The following NIPAL1 variants were observed in gnomAD, a reference collection of about 807,000 sequenced individuals.
The protein encoded by NIPAL1 is magnesium transporter NIPA3.
A neutral mutation model predicts 37.7 loss-of-function variants in NIPAL1; 35 were observed. That is an observed-to-expected ratio of 0.93 (90% CI 0.71 to 1.23). NIPAL1 has a LOEUF of 1.23. Among genes scored for constraint, NIPAL1 ranks in the 50% most tolerant of loss-of-function variants. The pLI, the probability that NIPAL1 is intolerant of heterozygous loss-of-function variation, is 0.00. For missense variants in NIPAL1, 412 were observed against 473.9 expected (o/e 0.87, Z 1.21); for synonymous variants, 162 against 183.0 (o/e 0.89, Z 0.93).
At chr4:48,024,483 G>A (rs1174648567) in intron 1 of NIPAL1, among the ~76,000 whole-genome samples, 1 of 152,050 alleles carries the variant, frequency 6.6e-6, no homozygotes, top group Non-Finnish European at 1.5e-5. Flanking sequence ...GTTTCACTAT[G>A]TTGCCCAGGC....
chr4:48,028,808 G>GA (rs1560324034), intron 2 of NIPAL1, among the ~76,000 whole-genome samples: 2 of 152,002 alleles, frequency 1.3e-5, no homozygotes, highest in African/African-American at 4.8e-5. Context: ...ACATATATAT[G>GA]AAAAAATCCT....
At position 48,035,051 on chromosome 4, in the gene NIPAL1, T is replaced by G. The variant is rs748395781; in HGVS notation, c.622+10T>G. The G allele has an allele frequency of 4.7e-5, 76 of 1,610,928 alleles. No homozygotes were observed. The highest frequency in any genetic ancestry group is 5.9e-5 in the Non-Finnish European group (70 of 1,177,498). ...AAATTGAGAGACCCAGGTCTGTGAT[T>G]CAACCTAAAGAACCACTCAAATTCT... On this transcript the variant is annotated intron_variant, in intron 5 of 5. Transcript: ENST00000295461.
intron 1 of NIPAL1, among the ~76,000 whole-genome samples, chr4:48,019,970 A>T (rs1457309981): frequency 6.6e-6 from 1 of 152,226 alleles, no homozygotes; most frequent in African/African-American, 2.4e-5. Flanking sequence ...TGTTTTAAAA[A>T]ATATATTCCT....
Position 48,016,798 on chromosome 4 carries a change from G to A in NIPAL1, c.-42G>A, listed in dbSNP as rs553745742. Reference sequence around the variant, plus strand: ...CGGGTGCGTGTGGAGAGGCCCAGGTGAGGAGCAAGCGCCCGCGTTCCGGAA... The same window carrying A: ...CGGGTGCGTGTGGAGAGGCCCAGGTAAGGAGCAAGCGCCCGCGTTCCGGAA... On this transcript the variant is annotated 5_prime_UTR_variant, in exon 1 of 6. Coordinates refer to ENST00000295461, the MANE Select transcript of NIPAL1 (RefSeq NM_207330.3). 3.0e-5 allele frequency: 47 copies of A among 1,543,708 alleles called. No homozygotes were observed. Among genetic ancestry groups the A allele is most frequent in the Non-Finnish European group, 3.9e-5 (45 of 1,149,482 alleles).
chr4:48,026,721 T>TAA (rs367669592), intron 2 of NIPAL1, among the ~76,000 whole-genome samples: 52 of 142,026 alleles, frequency 3.7e-4, no homozygotes, highest in East Asian at 2.2e-3. Flanking sequence ...AAAAATAAAA[T>TAA]TTTTTTTTTT....
chr4:48,027,786 C>G lies in NIPAL1; in HGVS notation c.314-2334C>G, dbSNP rs2109368778. Among the ~76,000 whole-genome samples, 1 of 152,272 alleles carries G rather than the reference C, an allele frequency of 6.6e-6. No homozygotes were observed. The stretch of plus-strand genomic sequence containing the variant: ...ATTTTGTCCTTTTCAGTAGACAAAA[C>G]AGAAACTTGATTTCAGCATGACAAG... On this transcript the variant is annotated intron_variant, in intron 2 of 5. Transcript: ENST00000295461. This position sits in a 1 kb window ranked among gnomAD's most constrained non-coding sequence, Gnocchi z 4.1.
intron 1 of NIPAL1, among the ~76,000 whole-genome samples, chr4:48,023,073 G>T (rs1235426569): frequency 6.6e-6 from 1 of 151,162 alleles, no homozygotes; most frequent in Non-Finnish European, 1.5e-5. Flanking sequence ...TCTTTGTTTT[G>T]TTTTGTTTTT....
intron 3 of NIPAL1, 43 bp downstream of exon 3, chr4:48,030,219 T>TTACTATCTTAC: frequency 8.5e-7 from 1 of 1,176,340 alleles, no homozygotes; most frequent in Non-Finnish European, 1.3e-6. Flanking sequence ...TGTAAGATAG[T>TTACTATCTTAC]AAATAGATTA....
intron 1 of NIPAL1, among the ~76,000 whole-genome samples, chr4:48,024,766 T>G (rs956663242): frequency 1.3e-5 from 2 of 152,196 alleles, no homozygotes; most frequent in Non-Finnish European, 2.9e-5. Context: ...ATCAAGTTGC[T>G]GATTCACCAG....
At position 48,027,585 on chromosome 4, in the gene NIPAL1, C is replaced by T. The variant is rs1169727202; in HGVS notation, c.313+2251C>T. On this transcript the variant is annotated intron_variant, in intron 2 of 5. Transcript: ENST00000295461. The surrounding 1 kb of genome is among the most constrained non-coding windows in gnomAD (Gnocchi z 4.1). ...TAAATAAGCACAGTTAACTACTTTGCAAAATAGTCTTCATAGCTTATATAT... is the reference window on the plus strand; with the variant it reads ...TAAATAAGCACAGTTAACTACTTTGTAAAATAGTCTTCATAGCTTATATAT... Among the ~76,000 whole-genome samples the T allele has an allele frequency of 3.3e-5, 5 of 152,104 alleles. No individual in the cohort carries two copies. Among genetic ancestry groups the T allele is most frequent in the African/African-American group, 4.8e-5 (2 of 41,398 alleles).
intron 2 of NIPAL1, 62 bp downstream of exon 2, chr4:48,025,396 A>G (rs1231483822): frequency 4.0e-5 from 58 of 1,462,090 alleles, no homozygotes; most frequent in Non-Finnish European, 2.2e-5. Context: ...GTGAGGCCAC[A>G]TCTCAGCAAT....
intron 3 of NIPAL1, among the ~76,000 whole-genome samples, chr4:48,031,899 C>T (rs1299974719): frequency 6.6e-5 from 10 of 151,974 alleles, no homozygotes; most frequent in African/African-American, 1.7e-4. Flanking sequence ...CCACCACACC[C>T]GGTTAGTTTT....
chr4:48,019,252 A>C (rs898824767), intron 1 of NIPAL1, among the ~76,000 whole-genome samples: 4 of 152,164 alleles, frequency 2.6e-5, no homozygotes, highest in Admixed American at 2.0e-4. Flanking sequence ...ACTTCAAGTG[A>C]TACTCCTACC....
At chr4:48,017,599 G>A (rs1294949497) in intron 1 of NIPAL1, among the ~76,000 whole-genome samples, 1 of 152,158 alleles carries the variant, frequency 6.6e-6, no homozygotes, top group African/African-American at 2.4e-5. Context: ...GAAATCTCTG[G>A]GCGAGGCTCC....
intron 2 of NIPAL1, among the ~76,000 whole-genome samples, chr4:48,029,638 A>G (rs915680787): frequency 9.8e-5 from 15 of 152,358 alleles, no homozygotes; most frequent in African/African-American, 3.1e-4. Flanking sequence ...TGGGTGACAA[A>G]CAGAAAAATG....
At chr4:48,031,628 T>C (rs1346022119) in intron 3 of NIPAL1, among the ~76,000 whole-genome samples, 1 of 152,220 alleles carries the variant, frequency 6.6e-6, no homozygotes, top group East Asian at 1.9e-4. Context: ...AAGTAAGTGA[T>C]ATATATACAG....
rs752078088 is a variant in NIPAL1, at chr4:48,035,962, G to A, written c.1023G>A (p.Leu341=). 1.9e-6 allele frequency: 3 copies of A among 1,613,828 alleles called. No individual in the cohort carries two copies. The highest frequency in any genetic ancestry group is 1.1e-5 in the South Asian group (1 of 91,032). Residue 341 remains leucine (L), a synonymous_variant, in exon 6 of 6, where the codon CTG becomes CTA. Coordinates refer to ENST00000295461, the MANE Select transcript of NIPAL1 (RefSeq NM_207330.3). ...GMTAGDIIGT[L]SGFFTIIIGI... is the part of the protein sequence containing the mutation. ...CAGCTGGAGATATCATTGGGACCCT[G>A]AGTGGATTCTTCACTATTATCATTG... is the stretch of plus-strand genomic sequence containing the variant.
chr4:48,029,739 C>T (rs1438258786), intron 2 of NIPAL1, among the ~76,000 whole-genome samples: 1 of 152,124 alleles, frequency 6.6e-6, no homozygotes, highest in Non-Finnish European at 1.5e-5. Flanking sequence ...TTTGGTAATA[C>T]ATGTAAAGTT....
At chr4:48,026,436 T>A (rs1378931302) in intron 2 of NIPAL1, among the ~76,000 whole-genome samples, 1 of 152,204 alleles carries the variant, frequency 6.6e-6, no homozygotes, top group Non-Finnish European at 1.5e-5. Context: ...AGGAGATTTG[T>A]ACTATCAGAA....
Sources: gnomAD v4.1 joint callset for allele counts (sites outside exome capture counted in the v4.1 genomes callset) on GRCh38, gnomAD v4.1.1 for gene constraint, Gnocchi (gnomAD v3.1) non-coding constraint, MANE v1.5 for transcripts, NCBI Gene and HGNC (gene_info 2026-07-23, HGNC 2026-07-21) for gene names.